CACNA1H: variants seen among roughly 807,000 people sequenced by gnomAD.
CACNA1H encodes the protein calcium voltage-gated channel subunit alpha1 H.
Under a neutral mutation model 192.5 loss-of-function variants are expected in CACNA1H, and 149 were observed. That is an observed-to-expected ratio of 0.77 (90% CI 0.68 to 0.89). The LOEUF (loss-of-function observed/expected upper bound fraction) is 0.89, where lower values mean the gene tolerates loss of function less well. Ranked by LOEUF, CACNA1H falls within the 40% of genes least tolerant of loss-of-function variation. The pLI is 0.00. For synonymous variants in CACNA1H, 2,202 were observed against 1,475.2 expected (o/e 1.49, Z -11.29); for missense variants, 4,257 against 3,423.5 (o/e 1.24, Z -6.08).
At chr16:1,176,834 G>C (rs981181426) in intron 2 of CACNA1H, among the ~76,000 whole-genome samples, 2 of 152,136 alleles carry the variant, frequency 1.3e-5, no homozygotes, top group African/African-American at 4.8e-5. Flanking sequence ...CCCTTCCCCC[G>C]CGTCTCTTCA....
At position 1,177,658 on chromosome 16, in the gene CACNA1H, G is replaced by C. The variant is rs1193357219; in HGVS notation, c.300-17314G>C. On this transcript the variant is annotated intron_variant, in intron 2 of 34. Coordinates refer to ENST00000348261, the MANE Select transcript of CACNA1H (RefSeq NM_021098.3). ...GACGTGGTGGCCGGGGACAGAGGGA[G>C]TGTGTTTCTCGGTTCTGGAGGCTGG... Among the ~76,000 whole-genome samples, 5 of 152,208 alleles carry C rather than the reference G, an allele frequency of 3.3e-5. No individual in the cohort carries two copies. In the East Asian group the frequency reaches 9.7e-4, roughly 29 times the overall value.
rs937005376 is a variant in CACNA1H, at chr16:1,207,271, C to T, written c.2908-4C>T. On this transcript the variant is annotated splice_region_variant and splice_polypyrimidine_tract_variant and intron_variant, in intron 13 of 34. Transcript: ENST00000348261. ...ACCACCCCAGGCCCCCTGCTATCCC[C>T]CAGATCCTGACCCAGGAGGACTGGA... 3.1e-6 allele frequency: 5 copies of T among 1,604,202 alleles called. No individual in the cohort carries two copies. Among genetic ancestry groups the T allele is most frequent in the Non-Finnish European group, 4.3e-6 (5 of 1,174,900 alleles).
chr16:1,174,362 T>C (rs1964658798), intron 2 of CACNA1H, among the ~76,000 whole-genome samples: 1 of 152,130 alleles, frequency 6.6e-6, no homozygotes. Context: ...TAACTAATGT[T>C]TCACAGCAGC....
At chr16:1,202,763 C>T (rs534520297) in intron 9 of CACNA1H, among the ~76,000 whole-genome samples, 1 of 152,234 alleles carries the variant, frequency 6.6e-6, no homozygotes, top group Non-Finnish European at 1.5e-5. Flanking sequence ...CCTGCCTGGC[C>T]CCGAGAGGGA....
In CACNA1H at chr16:1,153,856, C is replaced by A; in HGVS notation, c.119C>A (p.Ala40Glu). Residue 40 changes from alanine to glutamate, a missense_variant, in exon 2 of 35, where the codon GCG becomes GAG. Coordinates refer to ENST00000348261, the MANE Select transcript of CACNA1H (RefSeq NM_021098.3). ...PESPGAPGRE[A>E]ERGSELGVSP... ...AGCCCCGGGGCGCCGGGACGCGAGGCGGAGCGGGGGTCCGAGCTCGGCGTG... is the reference window on the plus strand; with the variant it reads ...AGCCCCGGGGCGCCGGGACGCGAGGAGGAGCGGGGGTCCGAGCTCGGCGTG... 7.5e-7 allele frequency: 1 copy of A among 1,340,362 alleles called. No individual in the cohort carries two copies. Among genetic ancestry groups the A allele is most frequent in the Non-Finnish European group, 9.6e-7 (1 of 1,046,272 alleles). 83.0% of individuals were successfully genotyped at this position (1,340,362 alleles called of 1,614,324 possible).
chr16:1,217,100 C>G lies in CACNA1H; in HGVS notation c.5323+90C>G. 5.2e-6 allele frequency: 6 copies of G among 1,154,870 alleles called. No individual in the cohort carries two copies. In the South Asian group the frequency reaches 6.8e-5, roughly 13 times the overall value. 71.5% of individuals were successfully genotyped at this position (1,154,870 alleles called of 1,614,324 possible). ...CCACTCACACGCAGGCACATGCTTG[C>G]AAATAGCGTGGGGCCTGATCAGGGC... On this transcript the variant is annotated intron_variant, in intron 31 of 34. Transcript: ENST00000348261.
intron 9 of CACNA1H, among the ~76,000 whole-genome samples, 175 bp downstream of exon 9, chr16:1,202,627 C>T (rs965040831): frequency 1.3e-5 from 2 of 152,100 alleles, no homozygotes; most frequent in East Asian, 1.9e-4. Context: ...AGGCAGGTCC[C>T]GCCCCTGACA....
intron 2 of CACNA1H, among the ~76,000 whole-genome samples, chr16:1,179,630 T>C (rs550143005): frequency 4.5e-4 from 69 of 151,854 alleles, no homozygotes; most frequent in Middle Eastern, 6.8e-3. Context: ...GATTTTATCA[T>C]GTTGGCCAGG....
At position 1,218,336 on chromosome 16, in the gene CACNA1H, G is replaced by A. The variant is rs1368744169; in HGVS notation, c.5572G>A (p.Val1858Met). The change falls in exon 33 of 35, where the codon GTG (valine) becomes ATG (methionine). Residue 1858 changes from valine (V) to methionine (M), a missense_variant. Physicochemically the swap from Val to Met is conservative, Grantham distance 21. Transcript: ENST00000348261. ...QFVLVNVVVA[V>M]LMKHLEESNK... ...CGTGCTGGTGAACGTGGTGGTGGCC[G>A]TGCTCATGAAGCACCTGGAGGAGAG... is the stretch of plus-strand genomic sequence containing the variant. The A allele has an allele frequency of 7.0e-6, 11 of 1,560,886 alleles. No individual in the cohort carries two copies. Among genetic ancestry groups the A allele is most frequent in the South Asian group, 4.7e-5 (4 of 84,564 alleles).
intron 2 of CACNA1H, among the ~76,000 whole-genome samples, chr16:1,189,824 C>T (rs1966438448): frequency 6.6e-6 from 1 of 152,182 alleles, no homozygotes; most frequent in Admixed American, 6.5e-5. Flanking sequence ...GGGTCTTCAG[C>T]CCTGTTCCCC....
Position 1,218,435 on chromosome 16 carries a change from G to A in CACNA1H, c.5671G>A (p.Ala1891Thr). Residue 1891 changes from alanine to threonine, a missense_variant, in exon 33 of 35, where the codon GCA becomes ACA. Ala to Thr is a moderately conservative substitution (Grantham distance 58, BLOSUM62 0). Transcript: ENST00000348261. ...ELEMAQGPGSARRVDADRPPL... is the reference protein window; with the variant it reads ...ELEMAQGPGSTRRVDADRPPL... ...GGAGATGGCGCAGGGCCCCGGGAGT[G>A]CACGCCGGGTGGACGCGGACAGGCC... 6.4e-7 allele frequency: 1 copy of A among 1,552,842 alleles called. No individual in the cohort carries two copies. Among genetic ancestry groups the A allele is most frequent in the Non-Finnish European group, 8.7e-7 (1 of 1,148,760 alleles).
At chr16:1,203,507 A>G (rs1280922017) in intron 9 of CACNA1H, among the ~76,000 whole-genome samples, 6 of 152,072 alleles carry the variant, frequency 3.9e-5, no homozygotes, top group African/African-American at 1.4e-4. Context: ...GTGTGTGCCC[A>G]GGTGTGTGCC....
At position 1,221,064 on chromosome 16, in the gene CACNA1H, C is replaced by G. The variant is rs968405646; in HGVS notation, c.*70C>G. 8.4e-7 allele frequency: 1 copy of G among 1,192,078 alleles called. No homozygotes were observed. Among genetic ancestry groups the G allele is most frequent in the Non-Finnish European group, 1.2e-6 (1 of 861,874 alleles). The allele number at this position is 1,192,078 out of a possible 1,614,324, so 73.8% of individuals were successfully genotyped here. A position where few individuals can be genotyped will look rare whatever the true frequency, so the allele number is the denominator to read the frequency against. Reference sequence around the variant, plus strand: ...GGCCCCGCTGGGGTGGAGGCCCAGGCAGAACCCTGCATGGACCCTGACTTG... The same window carrying G: ...GGCCCCGCTGGGGTGGAGGCCCAGGGAGAACCCTGCATGGACCCTGACTTG... On this transcript the variant is annotated 3_prime_UTR_variant, in exon 35 of 35. Transcript: ENST00000348261.
intron 2 of CACNA1H, among the ~76,000 whole-genome samples, chr16:1,158,631 G>T (rs1962759446): frequency 6.6e-6 from 1 of 152,230 alleles, no homozygotes; most frequent in East Asian, 1.9e-4. Context: ...AGGCCCCGCT[G>T]GGGAGGAGGG....
Position 1,196,038 on chromosome 16 carries a change from C to A in CACNA1H, c.643+15C>A, listed in dbSNP as rs59026203. 6.2e-7 allele frequency: 1 copy of A among 1,604,804 alleles called. No homozygotes were observed. Among genetic ancestry groups the A allele is most frequent in the African/African-American group, 1.3e-5 (1 of 74,798 alleles). On this transcript the variant is annotated intron_variant, in intron 5 of 34. Transcript: ENST00000348261. ...CCGCGTGCCTAGTAAGTGACCGGCC[C>A]CGACTGGGCTTGAGATCAACAGGCT...
chr16:1,165,257 T>C (rs1963640279), intron 2 of CACNA1H, among the ~76,000 whole-genome samples: 1 of 152,144 alleles, frequency 6.6e-6, no homozygotes, highest in African/African-American at 2.4e-5. Flanking sequence ...AGAAGCCAGA[T>C]GTAGCGTCAC....
At chr16:1,186,592 C>G (rs149274601) in intron 2 of CACNA1H, among the ~76,000 whole-genome samples, 1 of 152,224 alleles carries the variant, frequency 6.6e-6, no homozygotes, top group Non-Finnish European at 1.5e-5. Flanking sequence ...ACATGCCCCT[C>G]GAGATGGCCT....
chr16:1,201,128 C>T (rs189343607), intron 8 of CACNA1H, among the ~76,000 whole-genome samples: 1 of 152,282 alleles, frequency 6.6e-6, no homozygotes, highest in South Asian at 2.1e-4. Context: ...AGCTGGTCCT[C>T]TCATAGGCCC....
At chr16:1,215,396 C>A in intron 29 of CACNA1H, 21 bp downstream of exon 29, 1 of 1,592,086 alleles carries the variant, frequency 6.3e-7, no homozygotes. Flanking sequence ...GCGTGCCCGC[C>A]AGGTTCTCTC....
Sources: allele counts gnomAD v4.1 joint callset (sites outside exome capture counted in the v4.1 genomes callset), GRCh38; gene constraint gnomAD v4.1.1; transcripts MANE v1.5; gene names NCBI Gene and HGNC (gene_info 2026-07-23, HGNC 2026-07-21).